The following DCLK1 variants were observed in gnomAD, a reference collection of about 807,000 sequenced individuals.
DCLK1 encodes the protein doublecortin like kinase 1, also known as serine/threonine-protein kinase DCLK1.
In DCLK1, 16 loss-of-function variants were observed where a neutral mutation model predicts 86.2. The observed-to-expected ratio is 0.19, with a 90% confidence interval of 0.13 to 0.28. DCLK1 has a LOEUF of 0.28. Among genes scored for constraint, DCLK1 ranks in the 10% least tolerant of loss-of-function variants. The pLI is 1.00. For synonymous variants in DCLK1, 369 were observed against 370.5 expected (o/e 1.00, Z 0.05); for missense variants, 590 against 940.2 (o/e 0.63, Z 4.87).
In DCLK1 at chr13:35,772,495, TA is replaced by T. The variant is rs985413321; in HGVS notation, c.*2039del. 2 of 152,170 alleles carry T rather than the reference TA, an allele frequency of 1.3e-5. No individual in the cohort carries two copies. The highest frequency in any genetic ancestry group is 4.8e-5 in the African/African-American group (2 of 41,444). The allele number at this position is 152,170 out of a possible 1,614,324, so 9.4% of individuals were successfully genotyped here. On this transcript the variant is annotated 3_prime_UTR_variant, in exon 17 of 17. Coordinates refer to ENST00000360631, the MANE Select transcript of DCLK1 (RefSeq NM_001330071.2). ...TGCTTTATATTTCTAGAGAAAGCAG[TA>T]ATTTCCAACTAGTTCAGTGTTCCTC...
chr13:36,055,054 G>A (rs927666911), intron 3 of DCLK1, among the ~76,000 whole-genome samples: 35 of 152,100 alleles, frequency 2.3e-4, no homozygotes, highest in African/African-American at 8.4e-4. Context: ...AACAGCAAGA[G>A]ACAGATTTCA....
intron 16 of DCLK1, among the ~76,000 whole-genome samples, chr13:35,790,400 G>T (rs1313976145): frequency 6.6e-6 from 1 of 152,088 alleles, no homozygotes; most frequent in African/African-American, 2.4e-5. Context: ...AGAAGTACTA[G>T]TTAAAAATTA....
At chr13:36,129,358 A>G (rs1035264299) in intron 1 of DCLK1, among the ~76,000 whole-genome samples, 1 of 152,246 alleles carries the variant, frequency 6.6e-6, no homozygotes, top group African/African-American at 2.4e-5. Context: ...TTTTATTTGC[A>G]TATTTCCTCA....
chr13:36,011,150 A>G (rs1431415292), intron 3 of DCLK1, among the ~76,000 whole-genome samples: 1 of 92,892 alleles, frequency 1.1e-5, no homozygotes, highest in African/African-American at 4.1e-5. Context: ...GTGGTCTATC[A>G]ATTTTGTTGA....
intron 3 of DCLK1, among the ~76,000 whole-genome samples, chr13:36,059,243 T>TA (rs1883450674): frequency 6.6e-6 from 1 of 152,324 alleles, no homozygotes; most frequent in South Asian, 2.1e-4. Context: ...GTATTTTCTT[T>TA]AAGTCAGATC....
intron 1 of DCLK1, among the ~76,000 whole-genome samples, chr13:36,127,512 A>C (rs965711811): frequency 6.6e-6 from 1 of 152,230 alleles, no homozygotes; most frequent in Non-Finnish European, 1.5e-5. Context: ...TTCCTCAACC[A>C]CAAAATGGGA....
intron 2 of DCLK1, 90 bp downstream of exon 2, chr13:36,125,672 T>G (rs1490681018): frequency 6.6e-7 from 1 of 1,505,882 alleles, no homozygotes; most frequent in Non-Finnish European, 8.9e-7. Flanking sequence ...GAATGTCAAC[T>G]GTCAGAGGGC....
Position 35,846,805 on chromosome 13 carries a change from G to A in DCLK1, c.1036-7629C>T, listed in dbSNP as rs546337299. 6.6e-5 allele frequency: 65 copies of A among 984,960 alleles called. No homozygotes were observed. The South Asian group carries it at 1.0e-3, about 16-fold the overall frequency. The allele number at this position is 984,960 out of a possible 1,614,324, so 61.0% of individuals were successfully genotyped here. A position where few individuals can be genotyped will look rare whatever the true frequency, so the allele number is the denominator to read the frequency against. ...GTATGCATATATAGTAAATTCATTC[G>A]ATTAACATTTTCAAGTGTGTATATA... On this transcript the variant is annotated intron_variant, in intron 6 of 16. Transcript: ENST00000360631.
intron 4 of DCLK1, among the ~76,000 whole-genome samples, chr13:35,943,339 T>C (rs1877190979): frequency 6.6e-6 from 1 of 152,136 alleles, no homozygotes; most frequent in Non-Finnish European, 1.5e-5. Context: ...AGTACCTTGA[T>C]TTTGGACTTC....
intron 16 of DCLK1, among the ~76,000 whole-genome samples, chr13:35,774,955 C>T (rs945589738): frequency 2.6e-5 from 4 of 152,132 alleles, no homozygotes; most frequent in African/African-American, 9.7e-5. Context: ...CCCTTCCCCA[C>T]TCCTCCCCAG....
At chr13:36,039,412 C>A (rs1316702643) in intron 3 of DCLK1, among the ~76,000 whole-genome samples, 1 of 152,162 alleles carries the variant, frequency 6.6e-6, no homozygotes, top group Non-Finnish European at 1.5e-5. Flanking sequence ...CAAAAGGTAG[C>A]AGCTGGCCTC....
At chr13:36,108,241 G>A (rs1255457909) in intron 3 of DCLK1, among the ~76,000 whole-genome samples, 2 of 152,168 alleles carry the variant, frequency 1.3e-5, no homozygotes, top group Non-Finnish European at 2.9e-5. Flanking sequence ...CAGTGCCCCT[G>A]AATAAAGAAT....
chr13:35,927,760 G>T (rs1223718003), intron 4 of DCLK1, among the ~76,000 whole-genome samples: 1 of 152,222 alleles, frequency 6.6e-6, no homozygotes, highest in African/African-American at 2.4e-5. Context: ...TCAACCATGT[G>T]ATTAGAGGGT....
intron 4 of DCLK1, among the ~76,000 whole-genome samples, chr13:35,881,826 C>T (rs1194557152): frequency 2.0e-5 from 3 of 152,134 alleles, no homozygotes; most frequent in Non-Finnish European, 2.9e-5. Flanking sequence ...ATAGGCCCAC[C>T]TTTATCTTCT....
intron 3 of DCLK1, among the ~76,000 whole-genome samples, chr13:36,051,967 A>G (rs1883138142): frequency 6.6e-6 from 1 of 152,150 alleles, no homozygotes; most frequent in African/African-American, 2.4e-5. Context: ...TCTTTAATGA[A>G]AGTTAAATTA....
At chr13:35,778,322 CT>C (rs1256956478) in intron 16 of DCLK1, among the ~76,000 whole-genome samples, 1 of 152,218 alleles carries the variant, frequency 6.6e-6, no homozygotes, top group Non-Finnish European at 1.5e-5. Context: ...CCTATTATTA[CT>C]CAAAATGATC....
chr13:35,967,516 A>G (rs1323236704), intron 3 of DCLK1, among the ~76,000 whole-genome samples: 1 of 152,230 alleles, frequency 6.6e-6, no homozygotes, highest in Admixed American at 6.5e-5. Flanking sequence ...CTGTTAATCT[A>G]TAACCTTACC....
At chr13:35,822,118 A>G (rs2087409195) in intron 11 of DCLK1, among the ~76,000 whole-genome samples, 1 of 151,964 alleles carries the variant, frequency 6.6e-6, no homozygotes, top group Admixed American at 6.5e-5. Context: ...TTCCCCAAGT[A>G]AAAACTTCTT....
chr13:35,784,111 T>C (rs549470897), intron 16 of DCLK1, among the ~76,000 whole-genome samples: 1 of 152,206 alleles, frequency 6.6e-6, no homozygotes, highest in Non-Finnish European at 1.5e-5. Context: ...AATGAATATG[T>C]AGAAAAGAGC....
Sources: allele counts gnomAD v4.1 joint callset (sites outside exome capture counted in the v4.1 genomes callset), GRCh38; gene constraint gnomAD v4.1.1; transcripts MANE v1.5; gene names NCBI Gene and HGNC (gene_info 2026-07-23, HGNC 2026-07-21).